Variants in IRAK2 observed in about 807,000 individuals in gnomAD.
IRAK2 encodes interleukin 1 receptor associated kinase 2, also known as interleukin-1 receptor-associated kinase-like 2.
Under a neutral mutation model 72.0 loss-of-function variants are expected in IRAK2, and 57 were observed. The observed-to-expected ratio is 0.79, with a 90% CI of 0.64 to 0.99. The LOEUF (loss-of-function observed/expected upper bound fraction) is 0.99. IRAK2 is among the 50% of genes least tolerant of loss of function. The pLI is 0.00. For missense variants in IRAK2, 790 were observed against 794.4 expected, an observed-to-expected ratio of 0.99 and a Z score of 0.07; for synonymous variants, 293 against 312.7, an observed-to-expected ratio of 0.94 and a Z score of 0.67.
At chr3:10,201,462 TCA>T (rs751770986) in intron 3 of IRAK2, among the ~76,000 whole-genome samples, 3 of 152,190 alleles carry the variant, frequency 2.0e-5, no homozygotes, top group Non-Finnish European at 4.4e-5. Context: ...CCTCCATCAG[TCA>T]CAGTCTGCTG....
intron 1 of IRAK2, among the ~76,000 whole-genome samples, chr3:10,176,065 GT>G (rs58627914): frequency 0.25 from 19,273 of 77,670 alleles, 1,198 homozygotes; most frequent in Non-Finnish European, 0.33. Context: ...TATTGTCCAT[GT>G]TTTTTTTTTT....
chr3:10,193,489 G>T (rs1697208383), intron 2 of IRAK2, among the ~76,000 whole-genome samples: 1 of 151,958 alleles, frequency 6.6e-6, no homozygotes, highest in Non-Finnish European at 1.5e-5. Context: ...CTGGCGTGGT[G>T]GCGTGCTCCT....
intron 1 of IRAK2, among the ~76,000 whole-genome samples, chr3:10,168,750 C>A (rs539793062): frequency 6.6e-6 from 1 of 152,178 alleles, no homozygotes; most frequent in Admixed American, 6.6e-5. Flanking sequence ...CCTCTCTGAC[C>A]TCCTCTTCTT....
At chr3:10,210,146 C>T (rs889675200) in intron 4 of IRAK2, among the ~76,000 whole-genome samples, 9 of 152,162 alleles carry the variant, frequency 5.9e-5, no homozygotes, top group African/African-American at 2.2e-4. Flanking sequence ...GTCTCGAACT[C>T]CTGACGTCAG....
intron 9 of IRAK2, among the ~76,000 whole-genome samples, chr3:10,224,223 GCTAC>G (rs2125160540): frequency 6.6e-6 from 1 of 152,082 alleles, no homozygotes; most frequent in East Asian, 1.9e-4. Context: ...TGTAATCGCA[GCTAC>G]CTGGGAGGCT....
At chr3:10,209,513 G>A in intron 3 of IRAK2, 76 bp from the exon 4 acceptor site, 1 of 969,106 alleles carries the variant, frequency 1.0e-6, no homozygotes. Context: ...GACTGGCATA[G>A]TCTGAGGACT....
At chr3:10,194,779 A>G (rs1181396022) in intron 2 of IRAK2, among the ~76,000 whole-genome samples, 3 of 152,160 alleles carry the variant, frequency 2.0e-5, no homozygotes, top group African/African-American at 7.2e-5. Flanking sequence ...TCATGTTTAT[A>G]CGCACCATTT....
intron 2 of IRAK2, among the ~76,000 whole-genome samples, chr3:10,181,154 T>TGGAGAGGG (rs1050014120): frequency 6.6e-6 from 1 of 151,842 alleles, no homozygotes; most frequent in African/African-American, 2.4e-5. Flanking sequence ...CTCCTCAGAG[T>TGGAGAGGG]GGAGAGGGTC....
intron 12 of IRAK2, among the ~76,000 whole-genome samples, chr3:10,240,540 C>CCA (rs1698037849): frequency 3.4e-4 from 6 of 17,872 alleles, no homozygotes; most frequent in Non-Finnish European, 5.3e-4. Flanking sequence ...TTAGGAAGCC[C>CCA]CCCCCCCCCC....
intron 2 of IRAK2, among the ~76,000 whole-genome samples, chr3:10,185,193 A>G (rs1697053891): frequency 6.6e-6 from 1 of 151,466 alleles, no homozygotes; most frequent in Non-Finnish European, 1.5e-5. Flanking sequence ...GCTGATTCGG[A>G]AACTCTAGTG....
At chr3:10,168,947 C>T (rs1022743943) in intron 1 of IRAK2, among the ~76,000 whole-genome samples, 47 of 152,126 alleles carry the variant, frequency 3.1e-4, no homozygotes, top group Non-Finnish European at 4.7e-4. Flanking sequence ...GGAACCAGCC[C>T]GCAGTATTTC....
intron 10 of IRAK2, among the ~76,000 whole-genome samples, chr3:10,227,577 C>A (rs1697799294): frequency 6.6e-6 from 1 of 152,128 alleles, no homozygotes. Flanking sequence ...GGAAAGCTGG[C>A]TCTGAGTTTG....
intron 1 of IRAK2, among the ~76,000 whole-genome samples, chr3:10,175,800 G>T (rs1575953152): frequency 1.4e-5 from 2 of 143,960 alleles, no homozygotes; most frequent in Non-Finnish European, 3.0e-5. Context: ...TGAGGCCGGA[G>T]AATGGCCTGA....
chr3:10,227,755 A>G (rs1290159333), intron 10 of IRAK2, among the ~76,000 whole-genome samples: 1 of 148,450 alleles, frequency 6.7e-6, no homozygotes, highest in African/African-American at 2.5e-5. Flanking sequence ...TACAAGCTCC[A>G]CCTCCCGGGT....
chr3:10,183,601 G>C (rs896897263), intron 2 of IRAK2, among the ~76,000 whole-genome samples: 1 of 152,114 alleles, frequency 6.6e-6, no homozygotes, highest in African/African-American at 2.4e-5. Context: ...GGTGCCTGTA[G>C]TCCCAGCTAC....
chr3:10,177,859 T>C lies in IRAK2; in HGVS notation c.116T>C (p.Leu39Pro). ...MEFASYVITDLTQLRKIKSME... is the reference protein window; with the variant it reads ...MEFASYVITDPTQLRKIKSME... Reference sequence around the variant, plus strand: ...CCAGCCTCCTACGTGATCACAGACCTGACCCAGCTGCGGAAGATCAAGTCC... The same window carrying C: ...CCAGCCTCCTACGTGATCACAGACCCGACCCAGCTGCGGAAGATCAAGTCC... Residue 39 changes from leucine (L) to proline (P), a missense_variant, in exon 2 of 13, where the codon CTG (leucine) becomes CCG (proline). Leu to Pro is a moderately conservative substitution (Grantham distance 98, BLOSUM62 -3). Coordinates refer to ENST00000256458, the MANE Select transcript of IRAK2 (RefSeq NM_001570.4). The C allele has an allele frequency of 6.2e-7, 1 of 1,613,336 alleles. No homozygotes were observed. The highest frequency in any genetic ancestry group is 8.5e-7 in the Non-Finnish European group (1 of 1,180,038).
chr3:10,234,812 G>GA lies in IRAK2; in HGVS notation c.1473+153_1473+154insA, dbSNP rs1697927010. On this transcript the variant is annotated intron_variant, in intron 11 of 12. Transcript: ENST00000256458. The stretch of plus-strand genomic sequence containing the variant: ...TAGAGCTCCCATCAGCCAAAGGGCG[G>GA]TGTAGGGATGGATAGTGCGGAGCCC... Among the ~76,000 whole-genome samples, 3 of 152,374 alleles carry GA rather than the reference G, an allele frequency of 2.0e-5. No homozygotes were observed. The South Asian group carries it at 6.2e-4, about 32-fold the overall frequency.
At chr3:10,197,020 TAATGCATAATGATTTTGTTGAA>T (rs1011135740) in intron 2 of IRAK2, among the ~76,000 whole-genome samples, 2 of 152,036 alleles carry the variant, frequency 1.3e-5, no homozygotes, top group African/African-American at 4.8e-5. Context: ...ACTGTGTAAA[TAATGCATAATGATTTTGTTGAA>T]AAATTCTATG....
chr3:10,234,668 C>G lies in IRAK2; in HGVS notation c.1473+9C>G. On this transcript the variant is annotated intron_variant, in intron 11 of 12. Transcript: ENST00000256458. ...ACACCAGCCTGCAGGAGGTGAGCCT[C>G]GCCCGCAGCGGCCTCGCTGCCTGGG... is the stretch of plus-strand genomic sequence containing the variant. The G allele has an allele frequency of 6.2e-7, 1 of 1,609,374 alleles. No homozygotes were observed. The highest frequency in any genetic ancestry group is 8.5e-7 in the Non-Finnish European group (1 of 1,177,690).
Sources: gnomAD v4.1 joint callset for allele counts (sites outside exome capture counted in the v4.1 genomes callset) on GRCh38, gnomAD v4.1.1 for gene constraint, MANE v1.5 for transcripts, NCBI Gene and HGNC (gene_info 2026-07-23, HGNC 2026-07-21) for gene names.